Variants in CNTNAP5 observed in about 807,000 individuals in gnomAD.
The protein encoded by CNTNAP5 is contactin associated protein family member 5.
A neutral mutation model predicts 150.2 loss-of-function variants in CNTNAP5; 72 were observed. The observed-to-expected ratio is 0.48, with a 90% CI of 0.40 to 0.58. The LOEUF (loss-of-function observed/expected upper bound fraction) is 0.58. Among genes scored for constraint, CNTNAP5 ranks in the 20% least tolerant of loss-of-function variants. CNTNAP5 has a pLI of 0.00. For synonymous variants in CNTNAP5, 672 were observed against 619.8 expected, an observed-to-expected ratio of 1.08 and a Z score of -1.25; for missense variants, 1,636 against 1,626.2, an observed-to-expected ratio of 1.01 and a Z score of -0.10.
chr2:124,576,047 C>A (rs1696275339), intron 11 of CNTNAP5, among the ~76,000 whole-genome samples: 1 of 152,134 alleles, frequency 6.6e-6, no homozygotes, highest in South Asian at 2.1e-4. Flanking sequence ...CCCATTTGCT[C>A]TCAAACTAGC....
intron 12 of CNTNAP5, among the ~76,000 whole-genome samples, chr2:124,643,844 G>A (rs138517000): frequency 6.0e-4 from 91 of 152,290 alleles, no homozygotes; most frequent in African/African-American, 1.9e-3. Flanking sequence ...ATTCCAATCC[G>A]AATAGGATTG....
intron 13 of CNTNAP5, among the ~76,000 whole-genome samples, chr2:124,709,232 CGTGTGTGTGT>C (rs778269827): frequency 7.2e-6 from 1 of 138,770 alleles, no homozygotes; most frequent in Non-Finnish European, 1.6e-5. Context: ...TGTGTGTGTG[CGTGTGTGTGT>C]GTGTGTGTGT....
At chr2:124,109,332 C>T (rs749836450) in intron 1 of CNTNAP5, among the ~76,000 whole-genome samples, 3 of 152,132 alleles carry the variant, frequency 2.0e-5, no homozygotes, top group Non-Finnish European at 4.4e-5. Flanking sequence ...GTGATAGCTG[C>T]CATCCTGTAC....
At chr2:124,816,397 G>A (rs966425939) in intron 19 of CNTNAP5, among the ~76,000 whole-genome samples, 3 of 151,114 alleles carry the variant, frequency 2.0e-5, no homozygotes, top group African/African-American at 7.3e-5. Context: ...TTTCTGGGCT[G>A]CCATCCAGTC....
chr2:124,301,938 C>T (rs1018755423), intron 3 of CNTNAP5, among the ~76,000 whole-genome samples: 2 of 152,064 alleles, frequency 1.3e-5, no homozygotes, highest in African/African-American at 4.8e-5. Context: ...AGAGATAGGA[C>T]CTTTAAGGAC....
intron 3 of CNTNAP5, among the ~76,000 whole-genome samples, chr2:124,290,403 A>G (rs1688256011): frequency 6.6e-6 from 1 of 152,142 alleles, no homozygotes; most frequent in South Asian, 2.1e-4. Flanking sequence ...GTTGTAAAAG[A>G]TCCTCTACCT....
intron 13 of CNTNAP5, among the ~76,000 whole-genome samples, chr2:124,674,601 C>G (rs1433127559): frequency 6.9e-6 from 1 of 145,384 alleles, no homozygotes; most frequent in Non-Finnish European, 1.5e-5. Context: ...ACTCCTTCTT[C>G]TTCTTAAATA....
In CNTNAP5 at chr2:124,921,062, C is replaced by T. The variant is rs762495762; in HGVS notation, c.*6774C>T. 2.6e-5 allele frequency among the ~76,000 whole-genome samples: 4 copies of T among 151,926 alleles called. No homozygotes were observed. Among genetic ancestry groups the T allele is most frequent in the African/African-American group, 7.3e-5 (3 of 41,364 alleles). ...CTCATTCCAAGTCAGTTTTGTAGACCATGTAACATGTCTTAATACACTGTA... is the reference window on the plus strand; with the variant it reads ...CTCATTCCAAGTCAGTTTTGTAGACTATGTAACATGTCTTAATACACTGTA... On this transcript the variant is annotated 3_prime_UTR_variant, in exon 24 of 24. Transcript: ENST00000682447.
chr2:124,412,777 C>A (rs1429775000), intron 3 of CNTNAP5, among the ~76,000 whole-genome samples: 1 of 100,976 alleles, frequency 9.9e-6, no homozygotes, highest in East Asian at 2.9e-4. Context: ...CATAAAAACC[C>A]TAGAAGAAAA....
At chr2:124,461,837 G>A (rs1304342780) in intron 6 of CNTNAP5, among the ~76,000 whole-genome samples, 7 of 143,978 alleles carry the variant, frequency 4.9e-5, no homozygotes, top group African/African-American at 1.8e-4. Context: ...CTCCAGCCTG[G>A]GTGACAGGGT....
chr2:124,439,821 G>A (rs1034908653), intron 5 of CNTNAP5, among the ~76,000 whole-genome samples: 2 of 152,128 alleles, frequency 1.3e-5, no homozygotes, highest in African/African-American at 2.4e-5. Flanking sequence ...TTCTTATTCT[G>A]TGTCATGTCC....
At chr2:124,681,162 C>T (rs916196117) in intron 13 of CNTNAP5, among the ~76,000 whole-genome samples, 5 of 151,760 alleles carry the variant, frequency 3.3e-5, no homozygotes, top group Middle Eastern at 6.8e-3. Flanking sequence ...ATTAGCCGGG[C>T]ATGGTGGTGG....
In CNTNAP5 at chr2:124,710,122, G is replaced by A. The variant is rs148220507; in HGVS notation, c.2078-37107G>A. On this transcript the variant is annotated intron_variant, in intron 13 of 23. Transcript: ENST00000682447. ...AATGTTGTGTTTATGCCGAGATGATGGTGAGCAGTGAAGAGAAAACCCAAG... is the reference window on the plus strand; with the variant it reads ...AATGTTGTGTTTATGCCGAGATGATAGTGAGCAGTGAAGAGAAAACCCAAG... 3.9e-4 allele frequency among the ~76,000 whole-genome samples: 60 copies of A among 152,212 alleles called. 1 individual carries two copies. The East Asian group carries it at 8.7e-3, about 22-fold the overall frequency.
At chr2:124,181,209 A>G (rs1174423532) in intron 1 of CNTNAP5, among the ~76,000 whole-genome samples, 1 of 152,132 alleles carries the variant, frequency 6.6e-6, no homozygotes, top group Non-Finnish European at 1.5e-5. Flanking sequence ...ATTTATTTGA[A>G]TAACTATAGT....
intron 13 of CNTNAP5, among the ~76,000 whole-genome samples, chr2:124,678,752 C>A (rs1678999483): frequency 6.6e-6 from 1 of 151,796 alleles, no homozygotes; most frequent in African/African-American, 2.4e-5. Flanking sequence ...TATTTGGCTT[C>A]TCTGTGCTCT....
intron 19 of CNTNAP5, among the ~76,000 whole-genome samples, chr2:124,813,857 C>A (rs1190439888): frequency 2.6e-5 from 4 of 151,794 alleles, no homozygotes; most frequent in Non-Finnish European, 4.4e-5. Context: ...CTATTCAATT[C>A]TTTATACAAA....
intron 1 of CNTNAP5, among the ~76,000 whole-genome samples, chr2:124,142,362 T>A (rs1422207938): frequency 1.3e-5 from 2 of 150,376 alleles, no homozygotes; most frequent in African/African-American, 4.9e-5. Context: ...ACACCACACC[T>A]ATTCCAAAAT....
At chr2:124,327,383 C>T (rs191587080) in intron 3 of CNTNAP5, among the ~76,000 whole-genome samples, 106 of 152,276 alleles carry the variant, frequency 7.0e-4, no homozygotes, top group South Asian at 2.3e-3. Context: ...CTACAGCCAT[C>T]TGAAAGGACC....
At chr2:124,204,560 C>A (rs188374902) in intron 1 of CNTNAP5, among the ~76,000 whole-genome samples, 1 of 152,138 alleles carries the variant, frequency 6.6e-6, no homozygotes, top group Admixed American at 6.6e-5. Flanking sequence ...ATACTCCAGA[C>A]TGTGTAATTT....
Sources: allele counts gnomAD v4.1 joint callset (sites outside exome capture counted in the v4.1 genomes callset), GRCh38; gene constraint gnomAD v4.1.1; transcripts MANE v1.5; gene names NCBI Gene and HGNC (gene_info 2026-07-23, HGNC 2026-07-21).